Variants in SLC25A26 observed in about 807,000 individuals in gnomAD.
SLC25A26 encodes solute carrier family 25 member 26, also known as mitochondrial S-adenosylmethionine carrier protein.
Under a neutral mutation model 37.8 loss-of-function variants are expected in SLC25A26, and 36 were observed. That is an observed-to-expected ratio of 0.95 (90% CI 0.73 to 1.26). SLC25A26 has a LOEUF of 1.26. SLC25A26 is among the 50% of genes most tolerant of loss of function. The pLI is 0.00. For missense variants in SLC25A26, 390 were observed against 331.1 expected (o/e 1.18, Z -1.38); for synonymous variants, 129 against 122.5 (o/e 1.05, Z -0.35).
chr3:66,274,354 T>A (rs1193158594), intron 5 of SLC25A26, among the ~76,000 whole-genome samples: 5 of 151,680 alleles, frequency 3.3e-5, no homozygotes, highest in African/African-American at 1.2e-4. Flanking sequence ...GGACTTCATG[T>A]CTAAAACACC....
chr3:66,331,288 A>G (rs2107680168), intron 5 of SLC25A26, among the ~76,000 whole-genome samples: 1 of 152,216 alleles, frequency 6.6e-6, no homozygotes, highest in East Asian at 1.9e-4. Flanking sequence ...TGATACTGCA[A>G]ACAGTAGACA....
chr3:66,268,397 C>T (rs964833087), intron 5 of SLC25A26, among the ~76,000 whole-genome samples: 1 of 152,198 alleles, frequency 6.6e-6, no homozygotes, highest in Non-Finnish European at 1.5e-5. Context: ...TCCCCTGCCT[C>T]ACCTATGGAC....
intron 1 of SLC25A26, among the ~76,000 whole-genome samples, chr3:66,139,575 A>G (rs2070003772): frequency 6.6e-6 from 1 of 152,182 alleles, no homozygotes; most frequent in African/African-American, 2.4e-5. Flanking sequence ...GTGACTGAAG[A>G]TTGAATTAGA....
rs763902239 is a variant in SLC25A26 at position 66,352,673 on chromosome 3, G to A, written c.498+6265G>A. Among the ~76,000 whole-genome samples the A allele has an allele frequency of 1.6e-4, 25 of 151,818 alleles. 1 individual carries two copies. Among genetic ancestry groups the A allele is most frequent in the Admixed American group, 5.2e-4 (8 of 15,270 alleles). On this transcript the variant is annotated intron_variant, in intron 6 of 9. Coordinates refer to ENST00000354883, the MANE Select transcript of SLC25A26 (RefSeq NM_001379210.1). Reference sequence around the variant, plus strand: ...TATGTCATTACCGAGTGTCTATTACGTGCCAGGCATTTTCCAGGGTCTGGG... The same window carrying A: ...TATGTCATTACCGAGTGTCTATTACATGCCAGGCATTTTCCAGGGTCTGGG...
chr3:66,221,974 A>G (rs1553658652), intron 1 of SLC25A26, among the ~76,000 whole-genome samples: 2 of 151,938 alleles, frequency 1.3e-5, no homozygotes, highest in South Asian at 4.1e-4. Context: ...GGTGAACAAG[A>G]TAGACCTGCT....
chr3:66,204,440 G>GAAAAAAAAA (rs1210041519), intron 1 of SLC25A26, among the ~76,000 whole-genome samples: 4 of 110,788 alleles, frequency 3.6e-5, no homozygotes, highest in Non-Finnish European at 5.0e-5. Context: ...AAAAAAAAAA[G>GAAAAAAAAA]AAAAAAAGAA....
chr3:66,340,090 A>T (rs556052484), intron 5 of SLC25A26, among the ~76,000 whole-genome samples: 2 of 151,972 alleles, frequency 1.3e-5, no homozygotes, highest in South Asian at 4.1e-4. Flanking sequence ...ATTTTTCCCA[A>T]TATCGTTTGT....
In SLC25A26 at chr3:66,374,885, A is replaced by AAG. The variant is rs200166068; in HGVS notation, c.708-2804_708-2803insGA. On this transcript the variant is annotated intron_variant, in intron 9 of 9. Transcript: ENST00000354883. ...AACAGCAAGACCCTATCTCAAAAAA[A>AAG]AAAATTAATTAATTAAAAATAAAAG... 3.0e-3 allele frequency among the ~76,000 whole-genome samples: 462 copies of AAG among 152,098 alleles called. 1 individual carries two copies. The highest frequency in any genetic ancestry group is 0.018 in the East Asian group (95 of 5,166).
At chr3:66,284,526 A>C (rs1006361601) in intron 5 of SLC25A26, among the ~76,000 whole-genome samples, 1 of 152,230 alleles carries the variant, frequency 6.6e-6, no homozygotes, top group Non-Finnish European at 1.5e-5. Context: ...ATGCAACAAT[A>C]TGCATATCAA....
intron 6 of SLC25A26, among the ~76,000 whole-genome samples, chr3:66,352,885 C>T (rs908735959): frequency 5.3e-5 from 8 of 152,208 alleles, no homozygotes; most frequent in African/African-American, 1.7e-4. Context: ...CAAAGTAGGA[C>T]TTTCCCCTCC....
chr3:66,312,473 C>T (rs1298801208), intron 5 of SLC25A26, among the ~76,000 whole-genome samples: 2 of 151,988 alleles, frequency 1.3e-5, no homozygotes, highest in Admixed American at 6.6e-5. Flanking sequence ...GCTTCAGCCC[C>T]CTTTCCATGG....
intron 1 of SLC25A26, among the ~76,000 whole-genome samples, chr3:66,156,875 T>C (rs1023469377): frequency 2.6e-5 from 4 of 152,024 alleles, no homozygotes; most frequent in African/African-American, 7.2e-5. Flanking sequence ...CTCTTAGACT[T>C]TTCCCAACAG....
intron 1 of SLC25A26, among the ~76,000 whole-genome samples, chr3:66,215,125 A>G (rs1358866699): frequency 1.3e-5 from 2 of 152,066 alleles, no homozygotes; most frequent in Non-Finnish European, 2.9e-5. Flanking sequence ...TGTCTCAAAA[A>G]CAAACAAACA....
At chr3:66,345,666 C>T (rs1467472058) in intron 5 of SLC25A26, among the ~76,000 whole-genome samples, 1 of 152,116 alleles carries the variant, frequency 6.6e-6, no homozygotes, top group Non-Finnish European at 1.5e-5. Context: ...TAACACTTCT[C>T]TCCCACCACC....
intron 1 of SLC25A26, among the ~76,000 whole-genome samples, chr3:66,235,327 C>T (rs928746460): frequency 1.3e-5 from 2 of 152,142 alleles, no homozygotes; most frequent in African/African-American, 4.8e-5. Flanking sequence ...AGTTCTTAAT[C>T]AGTTTTTTCC....
At chr3:66,346,306 A>T (rs1279444708) in intron 5 of SLC25A26, 58 bp from the exon 6 acceptor site, 15 of 852,756 alleles carry the variant, frequency 1.8e-5, no homozygotes, top group Non-Finnish European at 2.2e-5. Flanking sequence ...GTATAGTCAT[A>T]CAGGCAAACT....
At chr3:66,213,399 CAAAAAAAAAA>C (rs1169648803) in intron 1 of SLC25A26, among the ~76,000 whole-genome samples, 2 of 28,830 alleles carry the variant, frequency 6.9e-5, no homozygotes, top group Non-Finnish European at 1.2e-4. Flanking sequence ...GACTCTGTCT[CAAAAAAAAAA>C]AAAAAAAAAA....
At chr3:66,219,261 G>A (rs1163563224), upstream of SLC25A26, among the ~76,000 whole-genome samples, 10 of 152,230 alleles carry the variant, frequency 6.6e-5, no homozygotes, top group East Asian at 1.5e-3. Context: ...TTCTAAGGTG[G>A]CCCTCAAGAT....
intron 1 of SLC25A26, among the ~76,000 whole-genome samples, chr3:66,194,034 A>T (rs929792281): frequency 2.0e-5 from 3 of 152,218 alleles, no homozygotes; most frequent in Non-Finnish European, 4.4e-5. Context: ...ATAAGTTGAC[A>T]ACAATATTAG....
Sources: allele counts gnomAD v4.1 joint callset (sites outside exome capture counted in the v4.1 genomes callset), GRCh38; gene constraint gnomAD v4.1.1; transcripts MANE v1.5; gene names NCBI Gene and HGNC (gene_info 2026-07-23, HGNC 2026-07-21).